The following RUNX2 variants were observed in gnomAD, a reference collection of about 807,000 sequenced individuals.
The protein encoded by RUNX2 is runt-related transcription factor 2.
Under a neutral mutation model 51.7 loss-of-function variants are expected in RUNX2, and 10 were observed. The ratio of observed to expected loss-of-function variants is 0.19; its 90% confidence interval spans 0.12 to 0.33. The LOEUF is 0.33. Ranked by LOEUF, RUNX2 falls within the 10% of genes least tolerant of loss-of-function variation. The pLI is 1.00. For synonymous variants in RUNX2, 276 were observed against 273.6 expected (o/e 1.01, Z -0.09); for missense variants, 562 against 691.3 (o/e 0.81, Z 2.10).
At chr6:45,374,934 C>T (rs529005064) in intron 2 of RUNX2, among the ~76,000 whole-genome samples, 2 of 152,158 alleles carry the variant, frequency 1.3e-5, no homozygotes, top group African/African-American at 2.4e-5. Flanking sequence ...TGGCCGGGCA[C>T]GGTGGCTCAC....
chr6:45,432,509 GT>G (rs968222837), intron 4 of RUNX2, among the ~76,000 whole-genome samples: 38 of 151,180 alleles, frequency 2.5e-4, no homozygotes, highest in Middle Eastern at 3.4e-3. Context: ...AAAAACCATG[GT>G]TTTTTTTTAA....
intron 5 of RUNX2, among the ~76,000 whole-genome samples, chr6:45,486,040 A>G (rs1259107815): frequency 6.6e-6 from 1 of 152,064 alleles, no homozygotes; most frequent in African/African-American, 2.4e-5. Flanking sequence ...CTCACCTACT[A>G]TTTTGCCCAA....
In RUNX2 at chr6:45,546,844, C is replaced by T; in HGVS notation, c.1105C>T (p.Pro369Ser). The stretch of plus-strand genomic sequence containing the variant: ...ATTTTTAGGTGCTTCAGAACTGGGC[C>T]CTTTTTCAGACCCCAGGCAGTTCCC... Reference protein sequence around the residue: ...KSQAGASELGPFSDPRQFPSI... With the variant: ...KSQAGASELGSFSDPRQFPSI... The change falls in exon 9 of 9, where the codon CCT (proline) becomes TCT (serine). Residue 369 changes from proline (P) to serine (S), a missense_variant. By Grantham distance (74) the Pro-to-Ser change is moderately conservative. Coordinates refer to ENST00000647337, the MANE Select transcript of RUNX2 (RefSeq NM_001024630.4). 1.2e-6 allele frequency: 2 copies of T among 1,613,880 alleles called. No homozygotes were observed. Among genetic ancestry groups the T allele is most frequent in the Non-Finnish European group, 1.7e-6 (2 of 1,179,908 alleles).
intron 2 of RUNX2, among the ~76,000 whole-genome samples, chr6:45,351,741 C>T (rs1247882444): frequency 6.6e-6 from 1 of 152,150 alleles, no homozygotes; most frequent in Non-Finnish European, 1.5e-5. Flanking sequence ...AGTTAGTGAT[C>T]AGAACCTCCA....
intron 2 of RUNX2, among the ~76,000 whole-genome samples, chr6:45,378,446 C>T (rs913671870): frequency 5.3e-5 from 8 of 152,148 alleles, no homozygotes; most frequent in African/African-American, 1.4e-4. Context: ...GAACGCTCCC[C>T]GCAGGGCCGC....
chr6:45,387,756 C>A (rs1433556792), intron 2 of RUNX2, among the ~76,000 whole-genome samples: 1 of 152,112 alleles, frequency 6.6e-6, no homozygotes, highest in Non-Finnish European at 1.5e-5. Flanking sequence ...CAACAAGGAA[C>A]GTTGAGAGGG....
intron 5 of RUNX2, among the ~76,000 whole-genome samples, chr6:45,487,136 A>C (rs1800307652): frequency 6.6e-6 from 1 of 152,192 alleles, no homozygotes. Context: ...CAACTTTTTG[A>C]AAGAAATCTT....
At chr6:45,545,894 T>G (rs1379392411) in intron 8 of RUNX2, among the ~76,000 whole-genome samples, 3 of 152,224 alleles carry the variant, frequency 2.0e-5, no homozygotes, top group African/African-American at 7.2e-5. Context: ...GGCCTACTGT[T>G]AGCTTTAGAA....
intron 2 of RUNX2, among the ~76,000 whole-genome samples, chr6:45,409,205 T>C (rs1311834986): frequency 6.6e-6 from 1 of 152,238 alleles, no homozygotes; most frequent in African/African-American, 2.4e-5. Flanking sequence ...GAGACTTGTC[T>C]CTTCCTTTTG....
intron 7 of RUNX2, among the ~76,000 whole-genome samples, chr6:45,526,056 G>A (rs1801668084): frequency 6.6e-6 from 1 of 151,916 alleles, no homozygotes; most frequent in African/African-American, 2.4e-5. Context: ...GCATTTAATC[G>A]AAGAACTAAA....
intron 2 of RUNX2, among the ~76,000 whole-genome samples, chr6:45,357,725 A>G (rs1420621493): frequency 2.6e-5 from 4 of 152,202 alleles, no homozygotes; most frequent in Admixed American, 2.6e-4. Flanking sequence ...AGAATACTAC[A>G]TAACATTGCT....
At chr6:45,383,384 C>A (rs1322435986) in intron 2 of RUNX2, among the ~76,000 whole-genome samples, 1 of 152,040 alleles carries the variant, frequency 6.6e-6, no homozygotes, top group Non-Finnish European at 1.5e-5. Context: ...TTGCAGTGAG[C>A]CAAGATAGCG....
intron 5 of RUNX2, among the ~76,000 whole-genome samples, chr6:45,444,986 G>T (rs991203601): frequency 7.2e-5 from 11 of 152,158 alleles, no homozygotes; most frequent in Admixed American, 7.2e-4. Context: ...CCAAAGGCTA[G>T]CCCATGACTT....
intron 2 of RUNX2, among the ~76,000 whole-genome samples, chr6:45,414,754 C>CTTTTTTTTTT (rs34672680): frequency 1.8e-4 from 6 of 33,448 alleles, no homozygotes; most frequent in East Asian, 1.2e-3. Flanking sequence ...CAGATCCTGG[C>CTTTTTTTTTT]TTTTTTTTTT....
In RUNX2 at chr6:45,549,459, A is replaced by T; in HGVS notation, c.*2154A>T. 1 of 398,272 alleles carries T rather than the reference A, an allele frequency of 2.5e-6. No homozygotes were observed. Among genetic ancestry groups the T allele is most frequent in the South Asian group, 1.3e-4 (1 of 7,612 alleles). 24.7% of individuals were successfully genotyped at this position (398,272 alleles called of 1,614,324 possible). On this transcript the variant is annotated 3_prime_UTR_variant, in exon 9 of 9. Transcript: ENST00000647337. Reference sequence around the variant, plus strand: ...GGGAAAGCAAAACACTTTGCCTTCTAAAGGCCGTATACCAAGTATGCTTAG... The same window carrying T: ...GGGAAAGCAAAACACTTTGCCTTCTTAAGGCCGTATACCAAGTATGCTTAG...
chr6:45,493,997 G>T (rs964303303), intron 6 of RUNX2, among the ~76,000 whole-genome samples: 5 of 152,162 alleles, frequency 3.3e-5, no homozygotes, highest in Admixed American at 1.3e-4. Context: ...CACTTAAGAA[G>T]ATGCTTCTCT....
chr6:45,357,912 C>T (rs1277226263), intron 2 of RUNX2, among the ~76,000 whole-genome samples: 1 of 151,930 alleles, frequency 6.6e-6, no homozygotes, highest in Non-Finnish European at 1.5e-5. Context: ...TATATAAATA[C>T]ATTCACAAAA....
intron 7 of RUNX2, among the ~76,000 whole-genome samples, chr6:45,522,716 T>A (rs115754263): frequency 6.6e-6 from 1 of 152,186 alleles, no homozygotes; most frequent in Non-Finnish European, 1.5e-5. Flanking sequence ...TCCCTTTCTA[T>A]CTCTAACTCC....
intron 5 of RUNX2, among the ~76,000 whole-genome samples, chr6:45,444,921 C>T (rs1667920519): frequency 6.6e-6 from 1 of 152,328 alleles, no homozygotes; most frequent in South Asian, 2.1e-4. Flanking sequence ...CGGCAGCTCG[C>T]TTTTATCCTC....
Sources: allele counts gnomAD v4.1 joint callset (sites outside exome capture counted in the v4.1 genomes callset), GRCh38; gene constraint gnomAD v4.1.1; transcripts MANE v1.5; gene names NCBI Gene and HGNC (gene_info 2026-07-23, HGNC 2026-07-21).